FKBP15: variants seen among roughly 807,000 people sequenced by gnomAD.
FKBP15 encodes the protein FKBP prolyl isomerase family member 15.
Under a neutral mutation model 158.1 loss-of-function variants are expected in FKBP15, and 106 were observed. The ratio of observed to expected loss-of-function variants is 0.67; its 90% CI spans 0.57 to 0.79. The LOEUF is 0.79. Ranked by LOEUF, FKBP15 falls within the 30% of genes least tolerant of loss-of-function variation. The pLI, the probability that FKBP15 is intolerant of heterozygous loss-of-function variation, is 0.00. For missense variants in FKBP15, 1,287 were observed against 1,479.1 expected, an observed-to-expected ratio of 0.87 and a Z score of 2.13; for synonymous variants, 547 against 548.6, an observed-to-expected ratio of 1.00 and a Z score of 0.04.
chr9:113,209,006 CAAA>C (rs5900044), intron 2 of FKBP15, among the ~76,000 whole-genome samples: 2,385 of 98,668 alleles, frequency 0.024, 56 homozygotes, highest in African/African-American at 0.083. Flanking sequence ...GACTCCATCT[CAAA>C]AAAAAAAAAA....
chr9:113,161,346 GA>G lies in FKBP15; in HGVS notation c.*4731del. The G allele has an allele frequency of 3.0e-6, 2 of 670,566 alleles. No individual in the cohort carries two copies. Among genetic ancestry groups the G allele is most frequent in the Non-Finnish European group, 5.1e-6 (2 of 395,604 alleles). The allele number at this position is 670,566 out of a possible 1,614,324, so 41.5% of individuals were successfully genotyped here. On this transcript the variant is annotated 3_prime_UTR_variant, in exon 28 of 28. Coordinates refer to ENST00000238256, the MANE Select transcript of FKBP15 (RefSeq NM_015258.2). ...GATCTCAAAGCCACACTCCAGCTAA[GA>G]AAAGTCTGGTGAAGACAGTGAAGAA... is the stretch of plus-strand genomic sequence containing the variant.
At chr9:113,208,468 T>C (rs2118942645) in intron 2 of FKBP15, among the ~76,000 whole-genome samples, 1 of 152,366 alleles carries the variant, frequency 6.6e-6, no homozygotes, top group East Asian at 1.9e-4. Flanking sequence ...ATAATACTGA[T>C]GCGGACATGA....
At chr9:113,180,400 A>ATGTGTG (rs61018100) in intron 19 of FKBP15, among the ~76,000 whole-genome samples, 14 of 150,106 alleles carry the variant, frequency 9.3e-5, no homozygotes, top group African/African-American at 2.7e-4. Context: ...TCAGAAAAAA[A>ATGTGTG]TGTGTGTGTG....
At chr9:113,203,656 C>G (rs1459253710) in intron 4 of FKBP15, among the ~76,000 whole-genome samples, 9 of 151,730 alleles carry the variant, frequency 5.9e-5, no homozygotes, top group Admixed American at 5.3e-4. Context: ...GGCTCCCGAG[C>G]AGCTGAGACT....
chr9:113,210,089 T>C lies in FKBP15; in HGVS notation c.169+1388A>G, dbSNP rs539802296. Among the ~76,000 whole-genome samples the C allele has an allele frequency of 2.6e-5, 4 of 152,298 alleles. No individual in the cohort carries two copies. In the East Asian group the frequency reaches 7.7e-4, roughly 29 times the overall value. ...TACTTAGAGTGCCTTGGACAGAGTT[T>C]GGGAGAGCGGTGTCCATATGGGGCA... On this transcript the variant is annotated intron_variant, in intron 2 of 27. Coordinates refer to ENST00000238256, the MANE Select transcript of FKBP15 (RefSeq NM_015258.2).
Position 113,161,376 on chromosome 9 carries a change from CG to C in FKBP15, c.*4701del. On this transcript the variant is annotated 3_prime_UTR_variant, in exon 28 of 28. Transcript: ENST00000238256. ...GTCTGGTGAAGACAGTGAAGAAGTT[CG>C]GAACTCAGCAAGGGTGGGGAAGAAG... 1.2e-6 allele frequency: 1 copy of C among 806,036 alleles called. No homozygotes were observed. Among genetic ancestry groups the C allele is most frequent in the Non-Finnish European group, 2.0e-6 (1 of 493,586 alleles). The allele number at this position is 806,036 out of a possible 1,614,324, so 49.9% of individuals were successfully genotyped here. A position where few individuals can be genotyped will look rare whatever the true frequency, so the allele number is the denominator to read the frequency against.
In FKBP15 at chr9:113,164,461, A is replaced by ATCT. The variant is rs1830067705; in HGVS notation, c.*1614_*1616dup. On this transcript the variant is annotated 3_prime_UTR_variant, in exon 28 of 28. Transcript: ENST00000238256. ...ACCTGTGTTGGCACAATTACTCAGC[A>ATCT]TCTTCTCTCCCTGCGGGCAGAAGCA... 6.6e-6 allele frequency: 1 copy of ATCT among 152,270 alleles called. No homozygotes were observed. The highest frequency in any genetic ancestry group is 2.4e-5 in the African/African-American group (1 of 41,474). 9.4% of individuals were successfully genotyped at this position (152,270 alleles called of 1,614,324 possible).
intron 1 of FKBP15, among the ~76,000 whole-genome samples, chr9:113,214,709 C>T (rs1356278163): frequency 6.6e-6 from 1 of 152,244 alleles, no homozygotes; most frequent in East Asian, 1.9e-4. Flanking sequence ...TTGACTTCTC[C>T]TCTCTAGCCA....
At chr9:113,183,007 T>C in intron 18 of FKBP15, 139 bp from the exon 19 acceptor site, 1 of 746,832 alleles carries the variant, frequency 1.3e-6, no homozygotes, top group South Asian at 1.6e-5. Flanking sequence ...TTTCTTTTCC[T>C]TAGATCTGAA....
chr9:113,173,370 GA>G (rs1809182659), intron 23 of FKBP15, 82 bp downstream of exon 23: 1 of 1,452,022 alleles, frequency 6.9e-7, no homozygotes, highest in African/African-American at 1.4e-5. Flanking sequence ...TTCAGGCTTA[GA>G]AGGATCGACA....
intron 4 of FKBP15, chr9:113,206,180 GTATATA>G (rs959967628): frequency 9.8e-6 from 3 of 306,604 alleles, no homozygotes; most frequent in African/African-American, 6.5e-5. Flanking sequence ...ATATGTATGT[GTATATA>G]TATGTGTGTA....
chr9:113,195,002 TTA>T (rs756624601), intron 9 of FKBP15, among the ~76,000 whole-genome samples: 5 of 152,292 alleles, frequency 3.3e-5, no homozygotes, highest in Admixed American at 2.0e-4. Flanking sequence ...AAATTAAATT[TTA>T]GTTAAATATT....
chr9:113,202,832 C>G, intron 5 of FKBP15, 129 bp downstream of exon 5: 1 of 826,582 alleles, frequency 1.2e-6, no homozygotes, highest in East Asian at 2.7e-5. Context: ...CTGAAAGGTT[C>G]TGTTAGATAC....
In FKBP15 at chr9:113,176,574, A is replaced by T; in HGVS notation, c.2186T>A (p.Leu729Gln). The T allele has an allele frequency of 6.4e-7, 1 of 1,567,664 alleles. No individual in the cohort carries two copies. The highest frequency in any genetic ancestry group is 2.3e-5 in the East Asian group (1 of 43,072). ...CTCCTTCTCAACTCGAAGGTCAGTC[A>T]GTTCCTCCTCCAGGGATGTCACCTT... ...ELKVTSLEEE[L>Q]TDLRVEKESL... The change falls in exon 21 of 28, where the codon CTG becomes CAG. Residue 729 changes from leucine (L) to glutamine (Q), a missense_variant. Coordinates refer to ENST00000238256, the MANE Select transcript of FKBP15 (RefSeq NM_015258.2).
At chr9:113,217,860 C>T (rs1314495528) in intron 1 of FKBP15, among the ~76,000 whole-genome samples, 2 of 151,912 alleles carry the variant, frequency 1.3e-5, no homozygotes, top group African/African-American at 4.8e-5. Context: ...AATAAATAAA[C>T]AAAAATAAAT....
chr9:113,207,371 ACT>A (rs1830910721), intron 2 of FKBP15, 75 bp from the exon 3 acceptor site: 1 of 1,004,704 alleles, frequency 1.0e-6, no homozygotes, highest in African/African-American at 2.6e-5. Context: ...ACGGAGTTTC[ACT>A]TTGTCACCCA....
At chr9:113,219,912 A>G (rs977781678) in intron 1 of FKBP15, among the ~76,000 whole-genome samples, 4 of 152,260 alleles carry the variant, frequency 2.6e-5, no homozygotes, top group African/African-American at 9.6e-5. Flanking sequence ...CAGGCCATCT[A>G]AAGACGGGGT....
At position 113,192,098 on chromosome 9, in the gene FKBP15, T is replaced by A. The variant is rs113451454; in HGVS notation, c.1065+1394A>T. On this transcript the variant is annotated intron_variant, in intron 11 of 27. Coordinates refer to ENST00000238256, the MANE Select transcript of FKBP15 (RefSeq NM_015258.2). ...AGTCTGCTAGAAGTTACTATAGCCT[T>A]AGAAATAGGTAACGAGTTGTTATGA... 3.2e-3 allele frequency among the ~76,000 whole-genome samples: 482 copies of A among 152,032 alleles called. 1 individual carries two copies. Among genetic ancestry groups the A allele is most frequent in the African/African-American group, 0.011 (465 of 41,474 alleles).
intron 11 of FKBP15, among the ~76,000 whole-genome samples, chr9:113,192,212 T>C (rs1486150127): frequency 6.6e-6 from 1 of 152,206 alleles, no homozygotes; most frequent in Non-Finnish European, 1.5e-5. Flanking sequence ...TTCTTCTGAT[T>C]CTTTGATTTA....
Sources: gnomAD v4.1 joint callset for allele counts (sites outside exome capture counted in the v4.1 genomes callset) on GRCh38, gnomAD v4.1.1 for gene constraint, MANE v1.5 for transcripts, NCBI Gene and HGNC (gene_info 2026-07-23, HGNC 2026-07-21) for gene names.